Variants in LARGE1 observed in about 807,000 individuals in gnomAD.
The protein encoded by LARGE1 is xylosyl- and glucuronyltransferase LARGE1.
A neutral mutation model predicts 87.6 loss-of-function variants in LARGE1; 43 were observed. The observed-to-expected ratio is 0.49, with a 90% CI of 0.38 to 0.63. LARGE1 has a LOEUF of 0.63. Ranked by LOEUF, LARGE1 falls within the 30% of genes least tolerant of loss-of-function variation. The pLI is 0.00. For synonymous variants in LARGE1, 434 were observed against 394.6 expected (o/e 1.10, Z -1.18); for missense variants, 802 against 1,000.2 (o/e 0.80, Z 2.67).
chr22:33,434,489 C>T (rs34484650), intron 6 of LARGE1, among the ~76,000 whole-genome samples: 41,006 of 151,978 alleles, frequency 0.27, 5,846 homozygotes, highest in Non-Finnish European at 0.31. Flanking sequence ...TTAGTAGAGA[C>T]GGGGTTTCAC....
At chr22:33,810,264 G>C (rs1474818206) in intron 1 of LARGE1, among the ~76,000 whole-genome samples, 1 of 152,204 alleles carries the variant, frequency 6.6e-6, no homozygotes, top group Non-Finnish European at 1.5e-5. Context: ...CATATAGCTA[G>C]CAAGTGCTGG....
intron 6 of LARGE1, among the ~76,000 whole-genome samples, chr22:33,479,069 G>A (rs991600008): frequency 6.6e-6 from 1 of 152,156 alleles, no homozygotes; most frequent in Non-Finnish European, 1.5e-5. Context: ...GTTTAAGCCT[G>A]AATTCCTGAG....
chr22:33,169,252 C>T (rs752897045), intron 11 of LARGE1, among the ~76,000 whole-genome samples: 1 of 152,120 alleles, frequency 6.6e-6, no homozygotes, highest in Non-Finnish European at 1.5e-5. Flanking sequence ...TGAATTAGGT[C>T]TTACGTATAA....
chr22:33,549,331 G>A (rs2077454109), intron 6 of LARGE1, among the ~76,000 whole-genome samples: 1 of 152,220 alleles, frequency 6.6e-6, no homozygotes, highest in Non-Finnish European at 1.5e-5. Context: ...GTGTCTTCTT[G>A]ATAGTCATAG....
intron 6 of LARGE1, among the ~76,000 whole-genome samples, chr22:33,552,607 C>A (rs551062015): frequency 6.6e-6 from 1 of 152,294 alleles, no homozygotes; most frequent in South Asian, 2.1e-4. Flanking sequence ...CAGTCCTACT[C>A]GCCCTCCTTC....
intron 6 of LARGE1, among the ~76,000 whole-genome samples, chr22:33,562,152 A>G (rs959440025): frequency 1.3e-5 from 2 of 152,230 alleles, no homozygotes; most frequent in Non-Finnish European, 2.9e-5. Context: ...CTTTCTTCCT[A>G]TTCCATGACC....
intron 1 of LARGE1, among the ~76,000 whole-genome samples, chr22:33,877,346 G>C (rs1043355388): frequency 6.6e-6 from 1 of 152,042 alleles, no homozygotes; most frequent in Non-Finnish European, 1.5e-5. Flanking sequence ...AAACTACCCA[G>C]TCTACGCCAA....
chr22:33,866,394 A>C (rs756695289), intron 1 of LARGE1, among the ~76,000 whole-genome samples: 5 of 152,228 alleles, frequency 3.3e-5, no homozygotes, highest in Admixed American at 6.5e-5. Context: ...TGCACTAGCT[A>C]CCTTTCAAGT....
At chr22:33,761,315 A>G (rs2084720621) in intron 2 of LARGE1, 56 bp downstream of exon 2, 1 of 1,323,404 alleles carries the variant, frequency 7.6e-7, no homozygotes, top group East Asian at 2.3e-5. Flanking sequence ...GGGTTCTATG[A>G]CAGCTAATGT....
At chr22:33,090,300 A>C in the LARGE1 span, among the ~76,000 whole-genome samples, 78,825 of 151,886 alleles carry the variant, frequency 0.52, 20,680 homozygotes, top group East Asian at 0.71. Context: ...AATAAATAAT[A>C]ATAAATAAGC....
intron 1 of LARGE1, among the ~76,000 whole-genome samples, chr22:33,892,921 A>C (rs948142189): frequency 1.3e-5 from 2 of 152,248 alleles, no homozygotes; most frequent in African/African-American, 4.8e-5. Context: ...TTCTCAAAAA[A>C]GAAAAATGCA....
intron 1 of LARGE1, among the ~76,000 whole-genome samples, chr22:33,859,549 G>A (rs1335140404): frequency 6.6e-6 from 1 of 152,200 alleles, no homozygotes; most frequent in African/African-American, 2.4e-5. Flanking sequence ...AGGCCACATT[G>A]TATAAAATTC....
intron 5 of LARGE1, among the ~76,000 whole-genome samples, chr22:33,571,377 G>A (rs1484884561): frequency 6.6e-6 from 1 of 152,184 alleles, no homozygotes; most frequent in Non-Finnish European, 1.5e-5. Flanking sequence ...GGTCCACAGA[G>A]AAGTTGACCA....
At chr22:33,388,030 CATA>C (rs1161007590) in intron 7 of LARGE1, among the ~76,000 whole-genome samples, 1 of 152,170 alleles carries the variant, frequency 6.6e-6, no homozygotes, top group Non-Finnish European at 1.5e-5. Flanking sequence ...CCTCTATGCA[CATA>C]ATAACACATG....
At chr22:33,482,076 G>A (rs922225329) in intron 6 of LARGE1, among the ~76,000 whole-genome samples, 1 of 152,080 alleles carries the variant, frequency 6.6e-6, no homozygotes, top group African/African-American at 2.4e-5. Context: ...AAATCTAACT[G>A]AAAGCACTTC....
At chr22:33,893,906 C>T (rs774859388) in intron 1 of LARGE1, among the ~76,000 whole-genome samples, 6 of 152,164 alleles carry the variant, frequency 3.9e-5, no homozygotes, top group Non-Finnish European at 7.4e-5. Context: ...AGGGCACCTC[C>T]GCCCCTTTCA....
Position 33,675,528 on chromosome 22 carries a change from C to CA in LARGE1, c.107-24861dup, listed in dbSNP as rs568343851. Reference sequence around the variant, plus strand: ...GAAAGAGGTTGATGTACTTGGGAAACAAAAAACAACAAAATAAGACAAAAC... The same window carrying CA: ...GAAAGAGGTTGATGTACTTGGGAAACAAAAAAACAACAAAATAAGACAAAAC... On this transcript the variant is annotated intron_variant, in intron 2 of 14. Coordinates refer to ENST00000397394, the MANE Select transcript of LARGE1 (RefSeq NM_133642.5). 4.6e-5 allele frequency among the ~76,000 whole-genome samples: 7 copies of CA among 151,948 alleles called. No homozygotes were observed. In the East Asian group the frequency reaches 1.2e-3, roughly 25 times the overall value.
At chr22:33,775,276 A>G (rs1243073598) in intron 1 of LARGE1, among the ~76,000 whole-genome samples, 2 of 152,208 alleles carry the variant, frequency 1.3e-5, no homozygotes, top group African/African-American at 4.8e-5. Flanking sequence ...TCAATTTGGT[A>G]GCAAAGGCCT....
chr22:33,303,943 T>C lies in LARGE1; in HGVS notation c.1730+286A>G, dbSNP rs73166234. On this transcript the variant is annotated intron_variant, in intron 12 of 14. Transcript: ENST00000397394. ...CCTGCCTGAGGAGGGTATGTTTTCA[T>C]AGATGCTACAGAAAAAGCAATAGAC... is the stretch of plus-strand genomic sequence containing the variant. Among the ~76,000 whole-genome samples, 7,830 of 152,266 alleles carry C rather than the reference T, an allele frequency of 0.051. 253 individuals are homozygous for C. Among genetic ancestry groups the C allele is most frequent in the African/African-American group, 0.071 (2,944 of 41,548 alleles).
Sources: allele counts gnomAD v4.1 joint callset (sites outside exome capture counted in the v4.1 genomes callset), GRCh38; gene constraint gnomAD v4.1.1; transcripts MANE v1.5; gene names NCBI Gene and HGNC (gene_info 2026-07-23, HGNC 2026-07-21).